SCHIP1: variants seen among roughly 807,000 people sequenced by gnomAD.
SCHIP1 encodes the protein schwannomin interacting protein 1.
SCHIP1 carries 8 observed loss-of-function variants against 29.7 expected under a neutral mutation model. That is an observed-to-expected ratio of 0.27 (90% CI 0.16 to 0.49). The LOEUF (loss-of-function observed/expected upper bound fraction) is 0.49. Ranked by LOEUF, SCHIP1 falls within the 20% of genes least tolerant of loss-of-function variation. The pLI is 0.99. For synonymous variants in SCHIP1, 76 were observed against 94.9 expected (o/e 0.80, Z 1.16); for missense variants, 193 against 294.6 (o/e 0.66, Z 2.52).
the SCHIP1 span, among the ~76,000 whole-genome samples, chr3:159,362,701 C>T: frequency 1.3e-5 from 2 of 151,994 alleles, no homozygotes; most frequent in African/African-American, 2.4e-5. Flanking sequence ...GCCAGGATTT[C>T]CCCCCCGGCC....
At chr3:159,474,979 C>T in the SCHIP1 span, among the ~76,000 whole-genome samples, 1 of 152,098 alleles carries the variant, frequency 6.6e-6, no homozygotes, top group Non-Finnish European at 1.5e-5. Context: ...AATTAGAACC[C>T]TCATATATTG....
At chr3:159,441,158 C>CACACACACACTCGCACAT in the SCHIP1 span, among the ~76,000 whole-genome samples, 2 of 152,030 alleles carry the variant, frequency 1.3e-5, no homozygotes, top group Non-Finnish European at 2.9e-5. Context: ...CATATGCATG[C>CACACACACACTCGCACAT]ACACACACAC....
the SCHIP1 span, among the ~76,000 whole-genome samples, chr3:159,595,729 A>G: frequency 6.6e-6 from 1 of 152,216 alleles, no homozygotes; most frequent in African/African-American, 2.4e-5. Flanking sequence ...AGGAATATTT[A>G]TGAGTACTTT....
chr3:159,756,733 C>G, the SCHIP1 span, among the ~76,000 whole-genome samples: 1 of 152,214 alleles, frequency 6.6e-6, no homozygotes, highest in African/African-American at 2.4e-5. Flanking sequence ...ATGCTTTTAA[C>G]AGCACCTAAG....
chr3:159,806,579 C>T, the SCHIP1 span, among the ~76,000 whole-genome samples: 1 of 152,236 alleles, frequency 6.6e-6, no homozygotes, highest in Non-Finnish European at 1.5e-5. Flanking sequence ...CTGCCATTAG[C>T]TGTGGAGGGC....
the SCHIP1 span, among the ~76,000 whole-genome samples, chr3:159,460,797 A>C: frequency 6.6e-6 from 1 of 152,194 alleles, no homozygotes; most frequent in African/African-American, 2.4e-5. Context: ...TTTATGAAGC[A>C]AATTGGCTGG....
At chr3:159,759,017 A>C in the SCHIP1 span, among the ~76,000 whole-genome samples, 1 of 152,332 alleles carries the variant, frequency 6.6e-6, no homozygotes, top group South Asian at 2.1e-4. Flanking sequence ...AGTTTGGAAA[A>C]TAGGTTGTTG....
the SCHIP1 span, among the ~76,000 whole-genome samples, chr3:159,753,023 G>T: frequency 1.3e-5 from 2 of 152,042 alleles, no homozygotes; most frequent in Non-Finnish European, 2.9e-5. Flanking sequence ...GTGTCCCTAG[G>T]CTAGATTATT....
chr3:159,388,924 C>A, the SCHIP1 span, among the ~76,000 whole-genome samples: 1 of 152,042 alleles, frequency 6.6e-6, no homozygotes, highest in Non-Finnish European at 1.5e-5. Context: ...GCCTAACAAT[C>A]TAAATATACG....
the SCHIP1 span, among the ~76,000 whole-genome samples, chr3:159,424,105 G>C: frequency 2.0e-5 from 3 of 148,844 alleles, 1 homozygote; most frequent in African/African-American, 2.5e-5. Context: ...AAACAGAGCA[G>C]AAAAACTGGA....
At chr3:159,468,756 A>AATATATAT in the SCHIP1 span, among the ~76,000 whole-genome samples, 302 of 123,824 alleles carry the variant, frequency 2.4e-3, no homozygotes, top group African/African-American at 8.1e-3. Context: ...TATATAATAT[A>AATATATAT]ATATATATAT....
chr3:159,837,823 G>C (rs999591032), upstream of SCHIP1, among the ~76,000 whole-genome samples: 1 of 152,164 alleles, frequency 6.6e-6, no homozygotes, highest in Non-Finnish European at 1.5e-5. Context: ...TAGGATGGGG[G>C]TGTATTGTTT....
At chr3:159,790,260 C>G in the SCHIP1 span, among the ~76,000 whole-genome samples, 1 of 152,174 alleles carries the variant, frequency 6.6e-6, no homozygotes, top group South Asian at 2.1e-4. Flanking sequence ...TTTACAGAAA[C>G]TTTTTATTGG....
At chr3:159,874,830 A>G (rs1715619299) in intron 2 of SCHIP1, among the ~76,000 whole-genome samples, 1 of 152,164 alleles carries the variant, frequency 6.6e-6, no homozygotes, top group Admixed American at 6.6e-5. Context: ...GAAATAATAG[A>G]TGCATACTGT....
At chr3:159,434,284 C>T in the SCHIP1 span, among the ~76,000 whole-genome samples, 1 of 152,068 alleles carries the variant, frequency 6.6e-6, no homozygotes, top group Non-Finnish European at 1.5e-5. Flanking sequence ...ATCCTGGGTC[C>T]CTCTGGGACA....
the SCHIP1 span, among the ~76,000 whole-genome samples, chr3:159,825,642 C>T: frequency 6.9e-3 from 1,056 of 152,192 alleles, 8 homozygotes; most frequent in African/African-American, 0.024. Context: ...TTTTGGACAC[C>T]TACTATATGC....
the SCHIP1 span, among the ~76,000 whole-genome samples, chr3:159,515,756 T>C: frequency 6.6e-6 from 1 of 152,202 alleles, no homozygotes; most frequent in Non-Finnish European, 1.5e-5. Context: ...CAATACACTT[T>C]GTTAGTTCAC....
chr3:159,789,787 G>T, the SCHIP1 span, among the ~76,000 whole-genome samples: 1 of 152,220 alleles, frequency 6.6e-6, no homozygotes, highest in Non-Finnish European at 1.5e-5. Flanking sequence ...TATCAGGGAT[G>T]TACCCAGTAA....
At chr3:159,425,994 C>G in the SCHIP1 span, among the ~76,000 whole-genome samples, 1 of 152,002 alleles carries the variant, frequency 6.6e-6, no homozygotes, top group African/African-American at 2.4e-5. Flanking sequence ...TTGAAACCAA[C>G]AAGAACAAAG....
Sources: allele counts gnomAD v4.1 joint callset (sites outside exome capture counted in the v4.1 genomes callset), GRCh38; gene constraint gnomAD v4.1.1; transcripts MANE v1.5; gene names NCBI Gene and HGNC (gene_info 2026-07-23, HGNC 2026-07-21).